Variants in TRERF1 observed in about 807,000 individuals in gnomAD.
TRERF1 encodes the protein transcriptional-regulating factor 1.
TRERF1 carries 27 observed loss-of-function variants against 122.9 expected under a neutral mutation model. That is an observed-to-expected ratio of 0.22 (90% confidence interval 0.16 to 0.30). The LOEUF (loss-of-function observed/expected upper bound fraction) is 0.30. TRERF1 is among the 10% of genes least tolerant of loss of function. The pLI, the probability that TRERF1 is intolerant of heterozygous loss-of-function variation, is 1.00. For synonymous variants in TRERF1, 636 were observed against 641.7 expected (o/e 0.99, Z 0.13); for missense variants, 1,248 against 1,560.3 (o/e 0.80, Z 3.37).
intron 2 of TRERF1, among the ~76,000 whole-genome samples, chr6:42,370,361 C>A (rs1338732151): frequency 1.3e-5 from 2 of 152,178 alleles, no homozygotes; most frequent in Non-Finnish European, 2.9e-5. Context: ...ATTTTCACTT[C>A]CCTTTCCTCT....
intron 2 of TRERF1, among the ~76,000 whole-genome samples, chr6:42,449,810 G>GA (rs1245723803): frequency 6.6e-6 from 1 of 152,096 alleles, no homozygotes; most frequent in African/African-American, 2.4e-5. Context: ...CGACAGTTAG[G>GA]AAAGAAAAAA....
At chr6:42,407,539 G>T (rs1029431518) in intron 2 of TRERF1, among the ~76,000 whole-genome samples, 1 of 152,068 alleles carries the variant, frequency 6.6e-6, no homozygotes, top group Non-Finnish European at 1.5e-5. Flanking sequence ...TAATTTGTGG[G>T]TGTCACCATT....
At chr6:42,315,996 G>A (rs1762431182) in intron 3 of TRERF1, among the ~76,000 whole-genome samples, 1 of 152,190 alleles carries the variant, frequency 6.6e-6, no homozygotes. Flanking sequence ...GCTGTTTTGG[G>A]ATGATCTCAG....
chr6:42,296,050 T>C (rs1266071324), intron 4 of TRERF1, among the ~76,000 whole-genome samples: 1 of 152,028 alleles, frequency 6.6e-6, no homozygotes, highest in Non-Finnish European at 1.5e-5. Context: ...AGTAATGCCA[T>C]CCCTTGATCT....
chr6:42,225,972 G>A (rs1346587371), exon 18 of TRERF1: 1 of 152,168 alleles, frequency 6.6e-6, no homozygotes, highest in Non-Finnish European at 1.5e-5. Flanking sequence ...GATCTTTGGG[G>A]TGGGGTAAGG....
At chr6:42,279,047 G>A (rs1474307859) in intron 4 of TRERF1, among the ~76,000 whole-genome samples, 1 of 152,200 alleles carries the variant, frequency 6.6e-6, no homozygotes, top group East Asian at 1.9e-4. Flanking sequence ...GGAGGAGGAG[G>A]CTTCCAAAGG....
chr6:42,273,587 A>T (rs1780629960), intron 4 of TRERF1, among the ~76,000 whole-genome samples: 1 of 152,234 alleles, frequency 6.6e-6, no homozygotes, highest in Non-Finnish European at 1.5e-5. Flanking sequence ...GGAACAGCAT[A>T]AACAAAGGCA....
At chr6:42,430,704 C>A (rs1784366653) in intron 2 of TRERF1, among the ~76,000 whole-genome samples, 1 of 152,158 alleles carries the variant, frequency 6.6e-6, no homozygotes, top group African/African-American at 2.4e-5. Context: ...GACCACCATC[C>A]TGGCCAACAT....
intron 3 of TRERF1, among the ~76,000 whole-genome samples, chr6:42,354,112 G>A (rs1342463553): frequency 6.6e-6 from 1 of 152,178 alleles, no homozygotes; most frequent in East Asian, 1.9e-4. Flanking sequence ...GTGAGGCATG[G>A]GTGGGATTGG....
intron 3 of TRERF1, among the ~76,000 whole-genome samples, chr6:42,354,788 A>G (rs1349862596): frequency 6.6e-6 from 1 of 152,174 alleles, no homozygotes; most frequent in Non-Finnish European, 1.5e-5. Flanking sequence ...AGTGCTATAT[A>G]TTTTAATATC....
intron 4 of TRERF1, among the ~76,000 whole-genome samples, chr6:42,288,174 T>C (rs886102817): frequency 2.0e-5 from 3 of 151,644 alleles, no homozygotes; most frequent in African/African-American, 2.4e-5. Flanking sequence ...GTAATGGAGG[T>C]GGGAACAGAG....
intron 2 of TRERF1, among the ~76,000 whole-genome samples, chr6:42,400,276 C>T (rs551381786): frequency 3.3e-5 from 5 of 152,336 alleles, no homozygotes; most frequent in African/African-American, 9.6e-5. Flanking sequence ...GGGTCTCGTA[C>T]GGCTCCATGT....
chr6:42,240,628 G>A (rs1036442868), intron 15 of TRERF1, among the ~76,000 whole-genome samples: 1 of 152,246 alleles, frequency 6.6e-6, no homozygotes, highest in African/African-American at 2.4e-5. Flanking sequence ...GAAATTGGGT[G>A]AAAGAGTCCT....
At chr6:42,282,384 C>T (rs1432176639) in intron 4 of TRERF1, among the ~76,000 whole-genome samples, 3 of 152,100 alleles carry the variant, frequency 2.0e-5, no homozygotes, top group East Asian at 1.9e-4. Flanking sequence ...CCTGTCTCTA[C>T]AAAAAATACA....
chr6:42,232,451 A>C lies in TRERF1; in HGVS notation c.3278+230T>G, dbSNP rs1193056542. On this transcript the variant is annotated intron_variant, in intron 17 of 17. Coordinates refer to ENST00000372922, the Ensembl canonical transcript of TRERF1. The surrounding 1 kb of genome is among the most constrained non-coding windows in gnomAD (Gnocchi z 4.5). ...GAAAGAGTGAAGTTTTGTAACTTAC[A>C]GGTTCACTCTCTGAAGATATCCATC... Among the ~76,000 whole-genome samples the C allele has an allele frequency of 1.3e-5, 2 of 152,096 alleles. No individual in the cohort carries two copies. Among genetic ancestry groups the C allele is most frequent in the African/African-American group, 4.8e-5 (2 of 41,390 alleles).
In TRERF1 at chr6:42,277,824, AAAAT is replaced by A. The variant is rs200299536; in HGVS notation, c.-258-7980_-258-7977del. On this transcript the variant is annotated intron_variant, in intron 4 of 17. Transcript: ENST00000372922. ...TACCACTGCATGCTAGCCCTATCTC[AAAAT>A]AAATAAATAAATAAATAAGAAGAAG... Among the ~76,000 whole-genome samples, 52 of 133,004 alleles carry A rather than the reference AAAAT, an allele frequency of 3.9e-4. 1 individual carries two copies. The highest frequency in any genetic ancestry group is 5.7e-4 in the Admixed American group (8 of 14,028). The allele number at this position is 133,004 out of a possible 152,430, so 87.3% of individuals were successfully genotyped here. A position where few individuals can be genotyped will look rare whatever the true frequency, so the allele number is the denominator to read the frequency against.
chr6:42,299,116 C>CTGTCTGTCTGTATCTATCTATCTA (rs10627056), intron 4 of TRERF1, among the ~76,000 whole-genome samples: 13 of 141,782 alleles, frequency 9.2e-5, no homozygotes, highest in African/African-American at 3.5e-4. Context: ...GTCTGTCTGT[C>CTGTCTGTCTGTATCTATCTATCTA]TCTATCTATC....
At chr6:42,350,592 T>C (rs1276566370) in intron 3 of TRERF1, among the ~76,000 whole-genome samples, 1 of 152,174 alleles carries the variant, frequency 6.6e-6, no homozygotes, top group East Asian at 1.9e-4. Flanking sequence ...ATCCTTCCTG[T>C]CAAGTCCATC....
At chr6:42,408,752 A>G (rs1780686275) in intron 2 of TRERF1, among the ~76,000 whole-genome samples, 1 of 152,030 alleles carries the variant, frequency 6.6e-6, no homozygotes. Context: ...TCATTCCATT[A>G]ATGATCATTT....
Sources: allele counts gnomAD v4.1 joint callset (sites outside exome capture counted in the v4.1 genomes callset), GRCh38; gene constraint gnomAD v4.1.1; non-coding constraint Gnocchi (gnomAD v3.1); transcripts MANE v1.5; gene names NCBI Gene and HGNC (gene_info 2026-07-23, HGNC 2026-07-21).